CMSS1: variants seen among roughly 807,000 people sequenced by gnomAD.
CMSS1 encodes protein CMSS1.
In CMSS1, 33 loss-of-function variants were observed where a neutral mutation model predicts 43.5. That is an observed-to-expected ratio of 0.76 (90% confidence interval 0.57 to 1.01). The LOEUF (loss-of-function observed/expected upper bound fraction) is 1.01, where lower values mean the gene tolerates loss of function less well. CMSS1 is among the 50% of genes least tolerant of loss of function. CMSS1 has a pLI of 0.00. For missense variants in CMSS1, 313 were observed against 326.4 expected (o/e 0.96, Z 0.32); for synonymous variants, 115 against 117.2 (o/e 0.98, Z 0.12).
intron 1 of CMSS1, among the ~76,000 whole-genome samples, chr3:99,884,265 C>T (rs1235220482): frequency 6.6e-6 from 1 of 152,116 alleles, no homozygotes. Flanking sequence ...CTTCTTTCTC[C>T]TTGTCTTCTC....
chr3:99,946,329 A>G (rs1392040649), intron 1 of CMSS1, among the ~76,000 whole-genome samples: 1 of 152,246 alleles, frequency 6.6e-6, no homozygotes, highest in Non-Finnish European at 1.5e-5. Context: ...AGAAAAAGCT[A>G]CAACTATCAA....
chr3:99,917,933 A>G (rs940268154), intron 1 of CMSS1, among the ~76,000 whole-genome samples: 39 of 152,068 alleles, frequency 2.6e-4, no homozygotes, highest in Non-Finnish European at 5.9e-5. Context: ...AGACACAGAA[A>G]TCATAATCAT....
intron 1 of CMSS1, among the ~76,000 whole-genome samples, chr3:100,013,214 G>GAGGTGTTGTTGT: frequency 6.9e-6 from 1 of 145,522 alleles, no homozygotes; most frequent in Non-Finnish European, 1.5e-5. Context: ...GGCCAGTGAG[G>GAGGTGTTGTTGT]TGTTGTTGTT....
chr3:100,093,617 A>T (rs1217652933), intron 1 of CMSS1, among the ~76,000 whole-genome samples: 1 of 152,178 alleles, frequency 6.6e-6, no homozygotes, highest in Non-Finnish European at 1.5e-5. Context: ...CACAACCAGT[A>T]TATTTACATT....
chr3:99,949,535 AAAG>A (rs1296450272), intron 1 of CMSS1, among the ~76,000 whole-genome samples: 1 of 152,188 alleles, frequency 6.6e-6, no homozygotes, highest in East Asian at 1.9e-4. Context: ...TTATCAGTTG[AAAG>A]AAGGAAAAAC....
chr3:100,117,862 T>TACACAC (rs1559763360), intron 1 of CMSS1, among the ~76,000 whole-genome samples: 1 of 133,366 alleles, frequency 7.5e-6, no homozygotes, highest in Non-Finnish European at 1.6e-5. Context: ...TACATATATA[T>TACACAC]ATATATATAT....
At chr3:99,985,567 G>C (rs189381409) in intron 1 of CMSS1, among the ~76,000 whole-genome samples, 36 of 151,928 alleles carry the variant, frequency 2.4e-4, no homozygotes, top group African/African-American at 8.4e-4. Context: ...TCAATCTTGT[G>C]AATTTCTTTT....
chr3:99,924,451 A>G (rs751460862), intron 1 of CMSS1: 4 of 1,555,116 alleles, frequency 2.6e-6, no homozygotes, highest in South Asian at 1.1e-5. Flanking sequence ...AATTGTTTAT[A>G]TACTGTTGTC....
chr3:99,887,593 G>A (rs1705949154), intron 1 of CMSS1, among the ~76,000 whole-genome samples: 2 of 152,200 alleles, frequency 1.3e-5, no homozygotes. Flanking sequence ...AGCAGCTTTT[G>A]AGCAGTTGAA....
At chr3:100,135,896 T>C (rs1291004811) in intron 1 of CMSS1, among the ~76,000 whole-genome samples, 6 of 152,146 alleles carry the variant, frequency 3.9e-5, no homozygotes, top group Admixed American at 3.9e-4. Context: ...TGTTTTACCA[T>C]CCTAGTCCAA....
chr3:99,988,919 G>A (rs1279376252), intron 1 of CMSS1, among the ~76,000 whole-genome samples: 1 of 152,154 alleles, frequency 6.6e-6, no homozygotes, highest in Non-Finnish European at 1.5e-5. Context: ...GAGTAATTGG[G>A]AACTTTCTGT....
At chr3:100,037,404 T>C (rs2065126323) in intron 1 of CMSS1, among the ~76,000 whole-genome samples, 1 of 152,116 alleles carries the variant, frequency 6.6e-6, no homozygotes, top group African/African-American at 2.4e-5. Flanking sequence ...AAATTTTAAG[T>C]TTGAAGTTAT....
intron 1 of CMSS1, among the ~76,000 whole-genome samples, chr3:99,928,521 A>G (rs1463029453): frequency 6.6e-6 from 1 of 152,226 alleles, no homozygotes; most frequent in East Asian, 1.9e-4. Context: ...GGGGCACCTT[A>G]CAGAGTTAAG....
intron 1 of CMSS1, among the ~76,000 whole-genome samples, chr3:99,875,614 C>A (rs1216881711): frequency 2.6e-5 from 4 of 152,116 alleles, no homozygotes; most frequent in African/African-American, 9.7e-5. Context: ...CAGTGTTTTT[C>A]TAGTCGTTTA....
At chr3:100,029,490 G>C (rs986456093) in intron 1 of CMSS1, among the ~76,000 whole-genome samples, 3 of 152,114 alleles carry the variant, frequency 2.0e-5, no homozygotes, top group Non-Finnish European at 4.4e-5. Context: ...TTAAATAGTG[G>C]TTTTGTTTCT....
chr3:99,876,400 G>GGTGGGCCA, intron 1 of CMSS1, among the ~76,000 whole-genome samples: 1 of 152,262 alleles, frequency 6.6e-6, no homozygotes, highest in South Asian at 2.1e-4. Context: ...CCGGTGGGCC[G>GGTGGGCCA]GGGCGCCGGC....
At chr3:99,884,103 T>TTA (rs1216669938) in intron 1 of CMSS1, among the ~76,000 whole-genome samples, 1 of 152,206 alleles carries the variant, frequency 6.6e-6, no homozygotes, top group Non-Finnish European at 1.5e-5. Flanking sequence ...TTAGCAGCCC[T>TTA]TATAGTTCAT....
At chr3:99,818,959 G>T (rs1942378715) in intron 1 of CMSS1, among the ~76,000 whole-genome samples, 2 of 152,146 alleles carry the variant, frequency 1.3e-5, no homozygotes, top group Non-Finnish European at 2.9e-5. Flanking sequence ...CACTCCTCAA[G>T]GTCTGCCTCT....
rs185418228 is a variant in CMSS1 at position 100,166,572 on chromosome 3, G to A, written c.415+178G>A. On this transcript the variant is annotated intron_variant, in intron 5 of 9. Coordinates refer to ENST00000421999, the MANE Select transcript of CMSS1 (RefSeq NM_032359.4). ...ACCAATTTGCTGTTTGACCTGAGAC[G>A]AGTCACTGAGTACTCCCCTGGACTT... 2.5e-4 allele frequency among the ~76,000 whole-genome samples: 38 copies of A among 152,208 alleles called. 1 individual carries two copies. In the South Asian group the frequency reaches 6.9e-3, roughly 27 times the overall value.
Sources: gnomAD v4.1 joint callset for allele counts (sites outside exome capture counted in the v4.1 genomes callset) on GRCh38, gnomAD v4.1.1 for gene constraint, MANE v1.5 for transcripts, NCBI Gene and HGNC (gene_info 2026-07-23, HGNC 2026-07-21) for gene names.